LRRC4C: variants seen among roughly 807,000 people sequenced by gnomAD.
LRRC4C encodes leucine-rich repeat-containing protein 4C.
LRRC4C carries 5 observed loss-of-function variants against 33.6 expected under a neutral mutation model. The observed-to-expected ratio is 0.15, with a 90% confidence interval of 0.08 to 0.31. The LOEUF (loss-of-function observed/expected upper bound fraction) is 0.31. Among genes scored for constraint, LRRC4C ranks in the 10% least tolerant of loss-of-function variants. The pLI, the probability that LRRC4C is intolerant of heterozygous loss-of-function variation, is 1.00. For missense variants in LRRC4C, 560 were observed against 796.7 expected (o/e 0.70, Z 3.58); for synonymous variants, 329 against 302.0 (o/e 1.09, Z -0.93).
intron 3 of LRRC4C, among the ~76,000 whole-genome samples, chr11:40,336,838 G>A (rs1290802931): frequency 1.3e-5 from 2 of 151,720 alleles, no homozygotes; most frequent in African/African-American, 4.8e-5. Context: ...TTAGTCGGGA[G>A]TGGCGGGGGG....
chr11:40,168,445 A>C lies in LRRC4C; in HGVS notation c.-95-27592T>G, dbSNP rs1202172366. ...TTGCGTCCAAACCTCCTGATGCTTCAAGTCAATGAATCCACTTCACATCTG... is the reference window on the plus strand; with the variant it reads ...TTGCGTCCAAACCTCCTGATGCTTCCAGTCAATGAATCCACTTCACATCTG... On this transcript the variant is annotated intron_variant, in intron 5 of 6. Coordinates refer to ENST00000528697, the MANE Select transcript of LRRC4C (RefSeq NM_001258419.2). Among the ~76,000 whole-genome samples, 3 of 152,202 alleles carry C rather than the reference A, an allele frequency of 2.0e-5. No homozygotes were observed. In the East Asian group the frequency reaches 5.8e-4, roughly 29 times the overall value.
intron 3 of LRRC4C, among the ~76,000 whole-genome samples, chr11:40,444,240 A>G (rs554370950): frequency 3.3e-5 from 5 of 152,276 alleles, no homozygotes; most frequent in African/African-American, 1.2e-4. Context: ...TAAGAACACA[A>G]GTAGTTAGTG....
intron 1 of LRRC4C, among the ~76,000 whole-genome samples, chr11:41,106,975 G>A (rs75079342): frequency 0.069 from 10,377 of 151,474 alleles, 524 homozygotes; most frequent in East Asian, 0.18. Flanking sequence ...ATTGCACCAT[G>A]TACTCTAGCT....
At chr11:40,323,572 A>T (rs537173609) in intron 3 of LRRC4C, among the ~76,000 whole-genome samples, 5 of 152,308 alleles carry the variant, frequency 3.3e-5, no homozygotes, top group African/African-American at 1.2e-4. Flanking sequence ...CTATCCACTA[A>T]AGTTATAAAA....
At chr11:41,351,359 T>C (rs1258436143) in intron 1 of LRRC4C, among the ~76,000 whole-genome samples, 1 of 152,130 alleles carries the variant, frequency 6.6e-6, no homozygotes, top group East Asian at 1.9e-4. Context: ...AGACCAAACC[T>C]ATCACTCATT....
At chr11:40,272,189 A>T (rs1942757046) in intron 4 of LRRC4C, among the ~76,000 whole-genome samples, 1 of 152,172 alleles carries the variant, frequency 6.6e-6, no homozygotes, top group African/African-American at 2.4e-5. Context: ...TTTCCATAAG[A>T]AAATAGCTAT....
intron 2 of LRRC4C, among the ~76,000 whole-genome samples, chr11:40,662,136 C>T (rs1256041618): frequency 1.3e-5 from 2 of 152,130 alleles, no homozygotes; most frequent in Non-Finnish European, 2.9e-5. Flanking sequence ...AAATAAAATC[C>T]TTCTATCATC....
At chr11:40,595,423 C>T (rs1285177421) in intron 3 of LRRC4C, among the ~76,000 whole-genome samples, 1 of 152,038 alleles carries the variant, frequency 6.6e-6, no homozygotes, top group Non-Finnish European at 1.5e-5. Context: ...GAGTTGAAAG[C>T]CCACCAAGCC....
intron 2 of LRRC4C, among the ~76,000 whole-genome samples, chr11:40,745,310 A>G (rs1307690251): frequency 6.6e-6 from 1 of 152,152 alleles, no homozygotes; most frequent in Non-Finnish European, 1.5e-5. Context: ...CTTCTTCTCC[A>G]AAAAAGGGGA....
intron 1 of LRRC4C, among the ~76,000 whole-genome samples, chr11:41,260,638 A>G (rs149875603): frequency 6.6e-6 from 1 of 152,032 alleles, no homozygotes; most frequent in African/African-American, 2.4e-5. Context: ...TATAAATAAA[A>G]TAGTTTTTCT....
At chr11:41,258,161 A>G (rs1489819903) in intron 1 of LRRC4C, among the ~76,000 whole-genome samples, 2 of 151,982 alleles carry the variant, frequency 1.3e-5, no homozygotes, top group African/African-American at 2.4e-5. Flanking sequence ...GATGGCTTTA[A>G]CCGGAGTATG....
intron 1 of LRRC4C, among the ~76,000 whole-genome samples, chr11:41,261,440 T>C (rs896412522): frequency 6.6e-6 from 1 of 152,092 alleles, no homozygotes; most frequent in South Asian, 2.1e-4. Flanking sequence ...GAAAGTGGAA[T>C]AGCAAATGGG....
At chr11:40,449,821 AG>A (rs1385058914) in intron 3 of LRRC4C, among the ~76,000 whole-genome samples, 2 of 152,226 alleles carry the variant, frequency 1.3e-5, no homozygotes, top group Non-Finnish European at 2.9e-5. Context: ...TCTTGAGAAA[AG>A]AAAGCAAAAC....
At chr11:40,556,143 G>T (rs1400757912) in intron 3 of LRRC4C, among the ~76,000 whole-genome samples, 2 of 152,020 alleles carry the variant, frequency 1.3e-5, no homozygotes, top group Non-Finnish European at 2.9e-5. Flanking sequence ...ATAAAACAGA[G>T]AATTACCAGT....
chr11:40,587,863 C>T (rs1958834195), intron 3 of LRRC4C, among the ~76,000 whole-genome samples: 1 of 152,154 alleles, frequency 6.6e-6, no homozygotes, highest in African/African-American at 2.4e-5. Context: ...TGATGTGCTG[C>T]TGGATTCGTT....
At chr11:40,753,680 T>C (rs1393821776) in intron 2 of LRRC4C, among the ~76,000 whole-genome samples, 1 of 151,962 alleles carries the variant, frequency 6.6e-6, no homozygotes, top group Non-Finnish European at 1.5e-5. Flanking sequence ...TATTTCGATT[T>C]AATTTTTAAT....
intron 5 of LRRC4C, among the ~76,000 whole-genome samples, chr11:40,149,284 C>A (rs924424498): frequency 6.6e-6 from 1 of 152,102 alleles, no homozygotes; most frequent in Non-Finnish European, 1.5e-5. Context: ...GGCAGTATAG[C>A]CATTTTAACA....
At chr11:40,971,615 C>A (rs1229307816) in intron 1 of LRRC4C, among the ~76,000 whole-genome samples, 8 of 152,138 alleles carry the variant, frequency 5.3e-5, no homozygotes, top group African/African-American at 1.9e-4. Flanking sequence ...ACAGAGTTCC[C>A]ACTGGGGTAC....
chr11:41,199,870 G>A (rs1946334570), intron 1 of LRRC4C, among the ~76,000 whole-genome samples: 1 of 152,082 alleles, frequency 6.6e-6, no homozygotes, highest in Non-Finnish European at 1.5e-5. Flanking sequence ...CTAAGTGATG[G>A]AGACTTTTCA....
Sources: gnomAD v4.1 joint callset for allele counts (sites outside exome capture counted in the v4.1 genomes callset) on GRCh38, gnomAD v4.1.1 for gene constraint, MANE v1.5 for transcripts, NCBI Gene and HGNC (gene_info 2026-07-23, HGNC 2026-07-21) for gene names.